The following STX1A variants were observed in gnomAD, a reference collection of about 807,000 sequenced individuals.
The protein encoded by STX1A is syntaxin 1A.
Under a neutral mutation model 37.8 loss-of-function variants are expected in STX1A, and 4 were observed. The ratio of observed to expected loss-of-function variants is 0.11; its 90% CI spans 0.05 to 0.24. The LOEUF (loss-of-function observed/expected upper bound fraction) is 0.24, where lower values mean the gene tolerates loss of function less well. STX1A is among the 10% of genes least tolerant of loss of function. The pLI is 1.00. For synonymous variants in STX1A, 135 were observed against 147.4 expected, an observed-to-expected ratio of 0.92 and a Z score of 0.61; for missense variants, 251 against 399.9, an observed-to-expected ratio of 0.63 and a Z score of 3.18.
intron 1 of STX1A, among the ~76,000 whole-genome samples, chr7:73,718,245 G>A (rs1363651204): frequency 6.6e-6 from 1 of 152,198 alleles, no homozygotes; most frequent in Non-Finnish European, 1.5e-5. Context: ...TTACACCAGG[G>A]GCTGGGCGCT....
chr7:73,714,680 G>A (rs1298034918), intron 1 of STX1A, among the ~76,000 whole-genome samples: 1 of 152,000 alleles, frequency 6.6e-6, no homozygotes, highest in African/African-American at 2.4e-5. Context: ...TACTGCAGGT[G>A]TGAGCCCCCA....
intron 1 of STX1A, among the ~76,000 whole-genome samples, chr7:73,715,510 C>A (rs1367168953): frequency 6.6e-6 from 1 of 152,120 alleles, no homozygotes; most frequent in Non-Finnish European, 1.5e-5. Flanking sequence ...ATGGAGACTG[C>A]TAGGAAGAAC....
Position 73,718,559 on chromosome 7 carries a change from C to A in STX1A, c.30+1043G>T, listed in dbSNP as rs748942731. ...GCAGGCAGGGCTGCCAGCCAGGTGGCCAGCCAGGGGACCAGATGACCAGAT... is the reference window on the plus strand; with the variant it reads ...GCAGGCAGGGCTGCCAGCCAGGTGGACAGCCAGGGGACCAGATGACCAGAT... On this transcript the variant is annotated intron_variant, in intron 1 of 9. Coordinates refer to ENST00000222812, the MANE Select transcript of STX1A (RefSeq NM_004603.4). Among the ~76,000 whole-genome samples, 66 of 152,124 alleles carry A rather than the reference C, an allele frequency of 4.3e-4. 1 individual carries two copies. Among genetic ancestry groups the A allele is most frequent in the Non-Finnish European group, 7.4e-4 (50 of 67,974 alleles).
intron 3 of STX1A, among the ~76,000 whole-genome samples, chr7:73,707,941 AAAAAAAAG>A (rs1554617285): frequency 6.7e-6 from 1 of 148,628 alleles, no homozygotes. Context: ...TCTTGAAAAA[AAAAAAAAG>A]AAAAAAGAAA....
rs565030154 is a variant in STX1A at position 73,703,900 on chromosome 7, C to G, written c.467-72G>C. 3.0e-5 allele frequency: 46 copies of G among 1,520,308 alleles called. 1 individual carries two copies. The highest frequency in any genetic ancestry group is 1.5e-4 in the South Asian group (12 of 81,318). 94.2% of individuals were successfully genotyped at this position (1,520,308 alleles called of 1,614,324 possible). A position where few individuals can be genotyped will look rare whatever the true frequency, so the allele number is the denominator to read the frequency against. ...TCAGCAGCAGCATTGGGCCCCGCCC[C>G]CTCCGTCCCAGGCCCGGGCTCCCCC... is the stretch of plus-strand genomic sequence containing the variant. On this transcript the variant is annotated intron_variant, in intron 6 of 9. Transcript: ENST00000222812.
intron 3 of STX1A, among the ~76,000 whole-genome samples, chr7:73,707,815 A>G (rs536396031): frequency 4.6e-5 from 7 of 151,786 alleles, no homozygotes; most frequent in Non-Finnish European, 7.4e-5. Context: ...CATGCCTGTA[A>G]TCCCAGCTAC....
At chr7:73,713,024 T>G (rs1209363494) in intron 1 of STX1A, among the ~76,000 whole-genome samples, 1 of 152,234 alleles carries the variant, frequency 6.6e-6, no homozygotes, top group Non-Finnish European at 1.5e-5. Flanking sequence ...ATGTAGCATT[T>G]CCTGTCAAGA....
At position 73,699,396 on chromosome 7, in the gene STX1A, TGCATGCACTC is replaced by T. The variant is rs1486153437; in HGVS notation, c.*1001_*1010del. On this transcript the variant is annotated 3_prime_UTR_variant, in exon 10 of 10. Transcript: ENST00000222812. The stretch of plus-strand genomic sequence containing the variant: ...ACACGGACACGGCCCCATCCCCTGC[TGCATGCACTC>T]GCATGCATCTCCCTGCCTGTCCACA... 14 of 152,572 alleles carry T rather than the reference TGCATGCACTC, an allele frequency of 9.2e-5. No individual in the cohort carries two copies. The highest frequency in any genetic ancestry group is 3.4e-4 in the African/African-American group (14 of 41,428). The allele number at this position is 152,572 out of a possible 1,614,324, so 9.5% of individuals were successfully genotyped here.
chr7:73,703,685 G>T, intron 7 of STX1A, 70 bp downstream of exon 7: 1 of 1,528,764 alleles, frequency 6.5e-7, no homozygotes, highest in Non-Finnish European at 9.0e-7. Flanking sequence ...TCCAGACCCA[G>T]CACTAGGGGT....
At chr7:73,708,936 C>A in intron 2 of STX1A, 109 bp downstream of exon 2, 1 of 1,236,780 alleles carries the variant, frequency 8.1e-7, no homozygotes, top group Non-Finnish European at 1.2e-6. Context: ...CACCCCGGAG[C>A]TGCTGAGCCA....
At chr7:73,712,764 A>C (rs1799149792) in intron 1 of STX1A, among the ~76,000 whole-genome samples, 1 of 152,142 alleles carries the variant, frequency 6.6e-6, no homozygotes, top group Non-Finnish European at 1.5e-5. Context: ...ATAGATTTGA[A>C]GGCGGCATCC....
rs1283667244 is a variant in STX1A at position 73,717,213 on chromosome 7, A to G, written c.30+2389T>C. Among the ~76,000 whole-genome samples, 2 of 111,254 alleles carry G rather than the reference A, an allele frequency of 1.8e-5. No homozygotes were observed. The highest frequency in any genetic ancestry group is 3.6e-5 in the Non-Finnish European group (2 of 55,584). The allele number at this position is 111,254 out of a possible 152,430, so 73.0% of individuals were successfully genotyped here. ...AGGAGAAAGAAGAGGGAGGAGGAGG[A>G]GGAAGAGGGAGGGAGGGAGGGCTGG... On this transcript the variant is annotated intron_variant, in intron 1 of 9. Coordinates refer to ENST00000222812, the MANE Select transcript of STX1A (RefSeq NM_004603.4). The surrounding 1 kb of genome is among the most constrained non-coding windows in gnomAD (Gnocchi z 4.1).
rs138505296 is a variant in STX1A at position 73,713,397 on chromosome 7, G to A, written c.31-4275C>T. 1.1e-4 allele frequency among the ~76,000 whole-genome samples: 16 copies of A among 152,328 alleles called. No individual in the cohort carries two copies. The East Asian group carries it at 3.1e-3, about 29-fold the overall frequency. On this transcript the variant is annotated intron_variant, in intron 1 of 9. Transcript: ENST00000222812. The stretch of plus-strand genomic sequence containing the variant: ...GGTGATGTGGCTACCCTGGCATGCT[G>A]TCTTCCTGGTGTCTTGGGCTGGCCA...
rs782211948 is a variant in STX1A at position 73,702,989 on chromosome 7, G to T, written c.541-7C>A. 3 of 1,598,574 alleles carry T rather than the reference G, an allele frequency of 1.9e-6. No homozygotes were observed. Among genetic ancestry groups the T allele is most frequent in the East Asian group, 4.5e-5 (2 of 44,734 alleles). ...TGCTGGAGTCCATGATGATCTGGGGGTGGGAGCAGGGGGCTGGGACCCAGA... is the reference window on the plus strand; with the variant it reads ...TGCTGGAGTCCATGATGATCTGGGGTTGGGAGCAGGGGGCTGGGACCCAGA... On this transcript the variant is annotated splice_polypyrimidine_tract_variant and splice_region_variant and intron_variant, in intron 7 of 9. Transcript: ENST00000222812. This position sits in a 1 kb window ranked among gnomAD's most constrained non-coding sequence, Gnocchi z 4.7.
At chr7:73,712,668 C>A (rs1554618131) in intron 1 of STX1A, among the ~76,000 whole-genome samples, 1 of 152,172 alleles carries the variant, frequency 6.6e-6, no homozygotes, top group East Asian at 1.9e-4. Flanking sequence ...CGGGCAGCCC[C>A]AACTGTTAGA....
intron 1 of STX1A, among the ~76,000 whole-genome samples, chr7:73,713,989 C>T (rs1176661758): frequency 6.6e-6 from 1 of 152,194 alleles, no homozygotes; most frequent in Non-Finnish European, 1.5e-5. Context: ...CCAGGCTCCA[C>T]CTGTTTTGCC....
rs965050282 is a variant in STX1A at position 73,700,088 on chromosome 7, C to T, written c.*319G>A. 2.0e-5 allele frequency: 9 copies of T among 446,624 alleles called. No homozygotes were observed. Among genetic ancestry groups the T allele is most frequent in the South Asian group, 9.6e-5 (4 of 41,478 alleles). 27.7% of individuals were successfully genotyped at this position (446,624 alleles called of 1,614,324 possible). A position where few individuals can be genotyped will look rare whatever the true frequency, so the allele number is the denominator to read the frequency against. Reference sequence around the variant, plus strand: ...AGGGAAGAGCAGAACCTGGGCCCACCGAGTTACTGAAGGCAAGGAAGGGTG... The same window carrying T: ...AGGGAAGAGCAGAACCTGGGCCCACTGAGTTACTGAAGGCAAGGAAGGGTG... On this transcript the variant is annotated 3_prime_UTR_variant, in exon 10 of 10. Coordinates refer to ENST00000222812, the MANE Select transcript of STX1A (RefSeq NM_004603.4). The surrounding 1 kb of genome is among the most constrained non-coding windows in gnomAD (Gnocchi z 4.4).
At position 73,709,919 on chromosome 7, in the gene STX1A, C is replaced by CG. The variant is rs1165072859; in HGVS notation, c.31-798dup. Among the ~76,000 whole-genome samples the CG allele has an allele frequency of 1.3e-5, 2 of 151,818 alleles. No homozygotes were observed. The highest frequency in any genetic ancestry group is 1.3e-4 in the Admixed American group (2 of 15,238). On this transcript the variant is annotated intron_variant, in intron 1 of 9. Coordinates refer to ENST00000222812, the MANE Select transcript of STX1A (RefSeq NM_004603.4). The surrounding 1 kb of genome is among the most constrained non-coding windows in gnomAD (Gnocchi z 4.2). ...AATTTAATTTTTATTTTTGTAGAGA[C>CG]GGGGGTCTCACTGTGTTACCCAGGC...
At chr7:73,716,201 G>A (rs1240838836) in intron 1 of STX1A, among the ~76,000 whole-genome samples, 8 of 152,256 alleles carry the variant, frequency 5.3e-5, no homozygotes, top group Non-Finnish European at 1.2e-4. Context: ...CGTAATGGGA[G>A]GAAGGATCGG....
Sources: allele counts gnomAD v4.1 joint callset (sites outside exome capture counted in the v4.1 genomes callset), GRCh38; gene constraint gnomAD v4.1.1; non-coding constraint Gnocchi (gnomAD v3.1); transcripts MANE v1.5; gene names NCBI Gene and HGNC (gene_info 2026-07-23, HGNC 2026-07-21).